The following KCTD16 variants were observed in gnomAD, a reference collection of about 807,000 sequenced individuals.
KCTD16 encodes potassium channel tetramerization domain containing 16.
A neutral mutation model predicts 33.2 loss-of-function variants in KCTD16; 13 were observed. That is an observed-to-expected ratio of 0.39 (90% CI 0.25 to 0.62). The LOEUF (loss-of-function observed/expected upper bound fraction) is 0.62. Among genes scored for constraint, KCTD16 ranks in the 20% least tolerant of loss-of-function variants. KCTD16 has a pLI of 0.50. For synonymous variants in KCTD16, 197 were observed against 195.3 expected, an observed-to-expected ratio of 1.01 and a Z score of -0.07; for missense variants, 441 against 525.1, an observed-to-expected ratio of 0.84 and a Z score of 1.57.
intron 3 of KCTD16, among the ~76,000 whole-genome samples, chr5:144,436,162 T>G (rs1753571872): frequency 2.0e-5 from 3 of 152,184 alleles, no homozygotes; most frequent in African/African-American, 7.2e-5. Context: ...AATTCTTTTC[T>G]TCCTCTCTGT....
At chr5:144,447,940 G>C (rs968493950) in intron 3 of KCTD16, among the ~76,000 whole-genome samples, 1 of 152,030 alleles carries the variant, frequency 6.6e-6, no homozygotes, top group Non-Finnish European at 1.5e-5. Flanking sequence ...AGTTCTAAGG[G>C]TGAGACCAAG....
intron 3 of KCTD16, among the ~76,000 whole-genome samples, chr5:144,405,778 A>G (rs1474424066): frequency 1.3e-5 from 2 of 152,176 alleles, no homozygotes; most frequent in Non-Finnish European, 2.9e-5. Flanking sequence ...ATTGATTGGA[A>G]TTGCAGAAGG....
chr5:144,347,906 G>A (rs749029735), intron 3 of KCTD16, among the ~76,000 whole-genome samples: 10 of 152,160 alleles, frequency 6.6e-5, no homozygotes, highest in Non-Finnish European at 8.8e-5. Flanking sequence ...TCTCTTCTCT[G>A]CACAGCAGCT....
At chr5:144,437,143 G>C (rs187719326) in intron 3 of KCTD16, among the ~76,000 whole-genome samples, 1 of 152,234 alleles carries the variant, frequency 6.6e-6, no homozygotes, top group African/African-American at 2.4e-5. Flanking sequence ...TCTGACTCAG[G>C]TGTCCCGGCT....
chr5:144,263,999 C>T (rs1755076596), intron 3 of KCTD16, among the ~76,000 whole-genome samples: 1 of 152,192 alleles, frequency 6.6e-6, no homozygotes, highest in African/African-American at 2.4e-5. Context: ...CTCATCTAAA[C>T]CTTGTTACCT....
intron 3 of KCTD16, among the ~76,000 whole-genome samples, chr5:144,231,342 T>C (rs1423467195): frequency 6.6e-6 from 1 of 152,164 alleles, no homozygotes; most frequent in Non-Finnish European, 1.5e-5. Context: ...AAGTATGCTC[T>C]AAGCACTTGG....
chr5:144,304,697 C>T (rs777356398), intron 3 of KCTD16, among the ~76,000 whole-genome samples: 8 of 152,070 alleles, frequency 5.3e-5, no homozygotes, highest in East Asian at 1.9e-4. Context: ...AATGCTAGGG[C>T]GATCTACTGA....
intron 3 of KCTD16, among the ~76,000 whole-genome samples, chr5:144,265,454 T>C (rs1755116869): frequency 6.6e-6 from 1 of 152,220 alleles, no homozygotes; most frequent in Non-Finnish European, 1.5e-5. Flanking sequence ...ACGATCTCCT[T>C]GTAATACTTT....
chr5:144,405,438 G>C (rs1752789957), intron 3 of KCTD16, among the ~76,000 whole-genome samples: 1 of 152,172 alleles, frequency 6.6e-6, no homozygotes, highest in Non-Finnish European at 1.5e-5. Flanking sequence ...CTTGATCCCT[G>C]CTGTCACAGC....
intron 3 of KCTD16, among the ~76,000 whole-genome samples, chr5:144,460,426 C>T (rs1013298374): frequency 6.6e-6 from 1 of 152,066 alleles, no homozygotes; most frequent in African/African-American, 2.4e-5. Context: ...CTTCATAGCC[C>T]TCATCACTAC....
At chr5:144,218,937 G>A (rs939694520) in intron 3 of KCTD16, among the ~76,000 whole-genome samples, 1 of 152,128 alleles carries the variant, frequency 6.6e-6, no homozygotes, top group Non-Finnish European at 1.5e-5. Context: ...TTTTAATCAC[G>A]AATATACCCC....
chr5:144,450,551 G>A (rs1753918133), intron 3 of KCTD16, among the ~76,000 whole-genome samples: 1 of 151,994 alleles, frequency 6.6e-6, no homozygotes, highest in East Asian at 1.9e-4. Context: ...AAACCCAAAT[G>A]CCCATCAACA....
chr5:144,333,597 G>A (rs1752409843), intron 3 of KCTD16, among the ~76,000 whole-genome samples: 1 of 152,030 alleles, frequency 6.6e-6, no homozygotes, highest in Non-Finnish European at 1.5e-5. Context: ...TGTGTATTTG[G>A]GGGTCAGCCA....
chr5:144,432,175 T>C (rs752125876), intron 3 of KCTD16, among the ~76,000 whole-genome samples: 13 of 152,180 alleles, frequency 8.5e-5, no homozygotes, highest in African/African-American at 1.7e-4. Context: ...ATTTTCATTT[T>C]ATAATGAAAC....
At chr5:144,271,508 T>C (rs548068086) in intron 3 of KCTD16, among the ~76,000 whole-genome samples, 82 of 151,992 alleles carry the variant, frequency 5.4e-4, no homozygotes, top group Non-Finnish European at 1.1e-3. Flanking sequence ...CTCAACATAA[T>C]ATAAGCCATA....
chr5:144,186,002 G>T (rs908932876), intron 2 of KCTD16, among the ~76,000 whole-genome samples: 1 of 152,078 alleles, frequency 6.6e-6, no homozygotes, highest in African/African-American at 2.4e-5. Context: ...CTTGCCCTAG[G>T]TGACCCAGTT....
intron 2 of KCTD16, among the ~76,000 whole-genome samples, chr5:144,189,267 C>A (rs1752789728): frequency 6.6e-6 from 1 of 151,900 alleles, no homozygotes; most frequent in Admixed American, 6.6e-5. Flanking sequence ...CCGAGGCGGG[C>A]GGATCACGAG....
At chr5:144,303,494 G>A (rs1337745799) in intron 3 of KCTD16, among the ~76,000 whole-genome samples, 1 of 152,156 alleles carries the variant, frequency 6.6e-6, no homozygotes, top group East Asian at 1.9e-4. Context: ...TGTGGCAAGA[G>A]CAATGGAAAT....
At chr5:144,217,212 G>A (rs1295780347) in intron 3 of KCTD16, among the ~76,000 whole-genome samples, 9 of 152,292 alleles carry the variant, frequency 5.9e-5, no homozygotes, top group Non-Finnish European at 1.3e-4. Flanking sequence ...TATGGCTTAA[G>A]CACTCATTTA....
Sources: gnomAD v4.1 joint callset for allele counts (sites outside exome capture counted in the v4.1 genomes callset) on GRCh38, gnomAD v4.1.1 for gene constraint, MANE v1.5 for transcripts, NCBI Gene and HGNC (gene_info 2026-07-23, HGNC 2026-07-21) for gene names.